SBNO2: variants seen among roughly 807,000 people sequenced by gnomAD.
SBNO2 encodes the protein strawberry notch homolog 2.
A neutral mutation model predicts 146.3 loss-of-function variants in SBNO2; 89 were observed. The observed-to-expected ratio is 0.61, with a 90% CI of 0.51 to 0.73. SBNO2 has a LOEUF of 0.73. Among genes scored for constraint, SBNO2 ranks in the 30% least tolerant of loss-of-function variants. The pLI is 0.00. For missense variants in SBNO2, 2,092 were observed against 2,003.7 expected, an observed-to-expected ratio of 1.04 and a Z score of -0.84; for synonymous variants, 1,147 against 892.6, an observed-to-expected ratio of 1.29 and a Z score of -5.08.
intron 18 of SBNO2, 82 bp downstream of exon 18, chr19:1,114,149 G>T: frequency 7.9e-7 from 1 of 1,272,386 alleles, no homozygotes; most frequent in Non-Finnish European, 1.0e-6. Flanking sequence ...CCTCAGGCTG[G>T]AATCCTGACC....
intron 4 of SBNO2, among the ~76,000 whole-genome samples, chr19:1,130,739 C>G (rs1018301338): frequency 1.3e-5 from 2 of 152,068 alleles, no homozygotes; most frequent in Non-Finnish European, 2.9e-5. Flanking sequence ...TTGCAGGGAG[C>G]CGAGATCGTG....
chr19:1,131,278 G>A (rs80309689), intron 4 of SBNO2, among the ~76,000 whole-genome samples: 2,406 of 152,268 alleles, frequency 0.016, 64 homozygotes, highest in African/African-American at 0.054. Context: ...TGTAGTGAGG[G>A]CAAGCACCAA....
At chr19:1,111,668 C>G in intron 23 of SBNO2, 54 bp from the exon 24 acceptor site, 2 of 1,379,302 alleles carry the variant, frequency 1.5e-6, no homozygotes, top group African/African-American at 1.4e-5. Context: ...CTGGCTTTCC[C>G]TGGACCCCTG....
At chr19:1,117,526 CT>C (rs1173289641) in intron 14 of SBNO2, 27 bp from the exon 15 acceptor site, 1 of 1,542,748 alleles carries the variant, frequency 6.5e-7, no homozygotes, top group Non-Finnish European at 8.7e-7. Flanking sequence ...CAAGGCGCCC[CT>C]GAGCTGTGGC....
chr19:1,114,780 G>A (rs1344380227), intron 17 of SBNO2, among the ~76,000 whole-genome samples: 1 of 151,504 alleles, frequency 6.6e-6, no homozygotes, highest in African/African-American at 2.4e-5. Flanking sequence ...GATTACAGGC[G>A]CCCACCACCA....
intron 1 of SBNO2, among the ~76,000 whole-genome samples, chr19:1,172,452 C>T (rs959295928): frequency 3.9e-5 from 6 of 152,168 alleles, no homozygotes; most frequent in African/African-American, 7.2e-5. Flanking sequence ...CAGAGGATGT[C>T]TGGGAAGAAA....
chr19:1,118,473 C>T (rs1405822799), intron 14 of SBNO2, among the ~76,000 whole-genome samples: 1 of 152,212 alleles, frequency 6.6e-6, no homozygotes, highest in African/African-American at 2.4e-5. Context: ...AACACGGCTA[C>T]CAACTGCCAG....
At chr19:1,113,743 C>T (rs747280530) in intron 18 of SBNO2, 39 bp from the exon 19 acceptor site, 24 of 1,441,714 alleles carry the variant, frequency 1.7e-5, no homozygotes, top group Non-Finnish European at 4.6e-6. Context: ...GACATGTTGG[C>T]TGCCTTCTAG....
Position 1,157,367 on chromosome 19 carries a change from AGACCCTCTGCCACGCAGCCCCGG to A in SBNO2, c.-126-2988_-126-2966del, listed in dbSNP as rs1272724210. Among the ~76,000 whole-genome samples, 4 of 138,756 alleles carry A rather than the reference AGACCCTCTGCCACGCAGCCCCGG, an allele frequency of 2.9e-5. No homozygotes were observed. Among genetic ancestry groups the A allele is most frequent in the East Asian group, 2.8e-4 (1 of 3,636 alleles). The allele number at this position is 138,756 out of a possible 152,430, so 91.0% of individuals were successfully genotyped here. On this transcript the variant is annotated intron_variant, in intron 1 of 31. Transcript: ENST00000361757. This position sits in a 1 kb window ranked among gnomAD's most constrained non-coding sequence, Gnocchi z 6.8. ...AGACGCTCTCCCCACGCGGCCCCGG[AGACCCTCTGCCACGCAGCCCCGG>A]AGACGCTCTCCCCACGCGGCCCCGG...
At chr19:1,141,178 C>T (rs982721326) in intron 4 of SBNO2, among the ~76,000 whole-genome samples, 24 of 151,990 alleles carry the variant, frequency 1.6e-4, no homozygotes, top group African/African-American at 5.6e-4. Context: ...GCTGCTGACT[C>T]CCCCGGTCCA....
rs748823306 is a variant in SBNO2, at chr19:1,112,913, C to T, written c.2284G>A (p.Asp762Asn). The change falls in exon 20 of 32, where the codon GAC (aspartate) becomes AAC (asparagine). Residue 762 changes from aspartate (D) to asparagine (N), a missense_variant. Asp to Asn is a conservative substitution (Grantham distance 23, BLOSUM62 1). Transcript: ENST00000361757. This position sits in a 1 kb window ranked among gnomAD's most constrained non-coding sequence, Gnocchi z 5.9. ...CGCGACTCGAAGGCCACCGTCCCGT[C>T]GGGCCTGGACACCACGCGGCCTTTC... Reference protein sequence around the residue: ...GRKGRVVSRPDGTVAFESRAE... With the variant: ...GRKGRVVSRPNGTVAFESRAE... 1.7e-5 allele frequency: 27 copies of T among 1,567,986 alleles called. No individual in the cohort carries two copies. The highest frequency in any genetic ancestry group is 1.4e-4 in the East Asian group (6 of 41,968).
At chr19:1,148,317 C>G (rs1455608959) in intron 3 of SBNO2, among the ~76,000 whole-genome samples, 1 of 152,014 alleles carries the variant, frequency 6.6e-6, no homozygotes, top group Non-Finnish European at 1.5e-5. Context: ...GGGCCACAAA[C>G]AGCTGCTCCA....
chr19:1,114,816 G>A (rs930679615), intron 17 of SBNO2, among the ~76,000 whole-genome samples: 2 of 151,836 alleles, frequency 1.3e-5, no homozygotes, highest in Non-Finnish European at 2.9e-5. Context: ...TTGTATTTTA[G>A]TAGAGATGGG....
At chr19:1,142,064 C>A (rs1599860481) in intron 4 of SBNO2, among the ~76,000 whole-genome samples, 3 of 150,652 alleles carry the variant, frequency 2.0e-5, no homozygotes, top group Non-Finnish European at 4.4e-5. Context: ...ATCAACCCTC[C>A]CCTCAATGGC....
At chr19:1,129,838 G>A (rs989146185) in intron 4 of SBNO2, among the ~76,000 whole-genome samples, 2 of 152,126 alleles carry the variant, frequency 1.3e-5, no homozygotes, top group Admixed American at 1.3e-4. Context: ...TGGGTCACAC[G>A]GCCAGTCCTT....
In SBNO2 at chr19:1,112,724, A is replaced by G; in HGVS notation, c.2379+94T>C. 6.8e-7 allele frequency: 1 copy of G among 1,472,652 alleles called. No individual in the cohort carries two copies. The highest frequency in any genetic ancestry group is 9.0e-7 in the Non-Finnish European group (1 of 1,109,546). The allele number at this position is 1,472,652 out of a possible 1,614,324, so 91.2% of individuals were successfully genotyped here. On this transcript the variant is annotated intron_variant, in intron 20 of 31. Transcript: ENST00000361757. This position sits in a 1 kb window ranked among gnomAD's most constrained non-coding sequence, Gnocchi z 5.9. ...CCCGCACCTGGCACACACACACTCC[A>G]GAAGTGCGCGGGTCCACAGTCCCCG...
chr19:1,119,208 G>C (rs1372690435), intron 13 of SBNO2, 44 bp from the exon 14 acceptor site: 2 of 1,560,460 alleles, frequency 1.3e-6, no homozygotes, highest in Non-Finnish European at 1.7e-6. Flanking sequence ...AGAGCCCGTG[G>C]GGATGGAGCC....
At chr19:1,171,377 C>T (rs2080476041) in intron 1 of SBNO2, among the ~76,000 whole-genome samples, 1 of 152,196 alleles carries the variant, frequency 6.6e-6, no homozygotes, top group South Asian at 2.1e-4. Flanking sequence ...CATGTGCATG[C>T]ACATGGCGCA....
In SBNO2 at chr19:1,122,996, C is replaced by T. The variant is rs367976900; in HGVS notation, c.678G>A (p.Leu226=). 14 of 1,584,080 alleles carry T rather than the reference C, an allele frequency of 8.8e-6. No individual in the cohort carries two copies. The highest frequency in any genetic ancestry group is 1.2e-5 in the Non-Finnish European group (14 of 1,165,926). ...HPDRVVETST[L]SSVPPPDITY... ...TGATGTCTGGGGGTGGGACGCTGGACAGTGTGCTGGTCTCCACCACGCGGT... is the reference window on the plus strand; with the variant it reads ...TGATGTCTGGGGGTGGGACGCTGGATAGTGTGCTGGTCTCCACCACGCGGT... The change falls in exon 8 of 32, where the codon CTG becomes CTA. Residue 226 remains leucine (L), a synonymous_variant. Transcript: ENST00000361757.
Sources: gnomAD v4.1 joint callset for allele counts (sites outside exome capture counted in the v4.1 genomes callset) on GRCh38, gnomAD v4.1.1 for gene constraint, Gnocchi (gnomAD v3.1) non-coding constraint, MANE v1.5 for transcripts, NCBI Gene and HGNC (gene_info 2026-07-23, HGNC 2026-07-21) for gene names.